BFSP1: variants seen among roughly 807,000 people sequenced by gnomAD.
BFSP1 encodes the protein beaded filament structural protein 1, also known as filensin.
A neutral mutation model predicts 43.9 loss-of-function variants in BFSP1; 38 were observed. The ratio of observed to expected loss-of-function variants is 0.87; its 90% CI spans 0.67 to 1.14. The LOEUF is 1.14. Ranked by LOEUF, BFSP1 falls within the 50% of genes most tolerant of loss-of-function variation. The pLI, the probability that BFSP1 is intolerant of heterozygous loss-of-function variation, is 0.00. For missense variants in BFSP1, 850 were observed against 875.1 expected, an observed-to-expected ratio of 0.97 and a Z score of 0.36; for synonymous variants, 352 against 354.8, an observed-to-expected ratio of 0.99 and a Z score of 0.09.
Position 17,508,999 on chromosome 20 carries a change from G to C in BFSP1, c.628-3C>G, listed in dbSNP as rs1158312058. Reference sequence around the variant, plus strand: ...TCCCGCTCCGTCAGGAGCTTCTCCTGCACAGAGAAGGCCAGAGTCAGACTC... The same window carrying C: ...TCCCGCTCCGTCAGGAGCTTCTCCTCCACAGAGAAGGCCAGAGTCAGACTC... On this transcript the variant is annotated splice_region_variant and splice_polypyrimidine_tract_variant and intron_variant, in intron 4 of 7. Transcript: ENST00000377873. 5.1e-6 allele frequency: 8 copies of C among 1,562,942 alleles called. No individual in the cohort carries two copies. The highest frequency in any genetic ancestry group is 6.9e-6 in the Non-Finnish European group (8 of 1,155,932).
In BFSP1 at chr20:17,494,065, C is replaced by G. The variant is rs41276390; in HGVS notation, c.*9G>C. ...CCAAATACATTTTATCCCATCAAGC[C>G]TGGGCATTTTAAGAGCTCTTCTCTC... On this transcript the variant is annotated 3_prime_UTR_variant, in exon 8 of 8. Transcript: ENST00000377873. 19,895 of 1,604,540 alleles carry G rather than the reference C, an allele frequency of 0.012. 1,329 individuals carry two copies. The African/African-American group carries it at 0.18, about 15-fold the overall frequency.
chr20:17,530,681 A>G (rs2034514394), intron 1 of BFSP1, among the ~76,000 whole-genome samples: 1 of 151,682 alleles, frequency 6.6e-6, no homozygotes, highest in Admixed American at 6.6e-5. Flanking sequence ...TGCACTTCAA[A>G]TCTGTGCATT....
At chr20:17,563,999 G>GTAAC (rs978673174) in intron 1 of BFSP1, among the ~76,000 whole-genome samples, 2 of 151,878 alleles carry the variant, frequency 1.3e-5, no homozygotes, top group African/African-American at 4.8e-5. Flanking sequence ...GGACTGTGAG[G>GTAAC]TAACCTTAGA....
chr20:17,555,375 G>A (rs755656071), intron 1 of BFSP1, among the ~76,000 whole-genome samples: 4 of 149,274 alleles, frequency 2.7e-5, no homozygotes, highest in South Asian at 4.3e-4. Context: ...AAACATGGCC[G>A]GCAGTGGTGG....
At chr20:17,566,225 A>G (rs1299116198) in intron 1 of BFSP1, among the ~76,000 whole-genome samples, 1 of 151,892 alleles carries the variant, frequency 6.6e-6, no homozygotes, top group Non-Finnish European at 1.5e-5. Context: ...TCTATGCTGT[A>G]TATTGACAGT....
intron 1 of BFSP1, among the ~76,000 whole-genome samples, chr20:17,549,400 T>C (rs1194072931): frequency 2.6e-5 from 4 of 152,142 alleles, no homozygotes; most frequent in Non-Finnish European, 5.9e-5. Flanking sequence ...CTCACAATCA[T>C]GGCAGAAGGA....
chr20:17,565,446 C>A (rs1173544546), intron 1 of BFSP1: 1 of 152,154 alleles, frequency 6.6e-6, no homozygotes, highest in African/African-American at 2.4e-5. Flanking sequence ...TTGGAAATAT[C>A]CTAAATGCCC....
At chr20:17,532,975 T>G (rs1180905370), upstream of BFSP1, among the ~76,000 whole-genome samples, 5 of 152,114 alleles carry the variant, frequency 3.3e-5, no homozygotes, top group Non-Finnish European at 7.3e-5. Flanking sequence ...CTCAAGATAA[T>G]AGATTCCGTC....
intron 2 of BFSP1, 64 bp from the exon 3 acceptor site, chr20:17,514,880 G>A: frequency 4.1e-6 from 6 of 1,457,376 alleles, no homozygotes; most frequent in Non-Finnish European, 5.7e-6. Context: ...AAGCTGGCCG[G>A]GTATATGAGC....
intron 1 of BFSP1, chr20:17,541,193 C>T: frequency 9.8e-6 from 9 of 915,086 alleles, no homozygotes; most frequent in Non-Finnish European, 1.2e-5. Flanking sequence ...ATAGTGAGAC[C>T]CTGTCTCTAA....
At chr20:17,505,644 C>A (rs963876009) in intron 5 of BFSP1, among the ~76,000 whole-genome samples, 1 of 152,250 alleles carries the variant, frequency 6.6e-6, no homozygotes, top group South Asian at 2.1e-4. Flanking sequence ...CCAGCAAAAA[C>A]CCAGCCACAA....
At chr20:17,514,164 G>A (rs936319072) in intron 3 of BFSP1, among the ~76,000 whole-genome samples, 1 of 152,208 alleles carries the variant, frequency 6.6e-6, no homozygotes, top group Non-Finnish European at 1.5e-5. Flanking sequence ...AGGAGAGCCT[G>A]CATTTGCATT....
At chr20:17,518,360 G>C (rs769113932) in intron 2 of BFSP1, among the ~76,000 whole-genome samples, 3 of 152,176 alleles carry the variant, frequency 2.0e-5, no homozygotes, top group Non-Finnish European at 4.4e-5. Context: ...GCCTTCAGGG[G>C]GTTACCATTC....
rs2033592567 is a variant in BFSP1 at position 17,494,867 on chromosome 20, A to G, written c.1205T>C (p.Val402Ala). Residue 402 changes from valine (V) to alanine (A), a missense_variant, in exon 8 of 8, where the codon GTG (valine) becomes GCG (alanine). Transcript: ENST00000377873. ...AGATTCACTTTCCTCTTTAAGTACC[A>G]CCTGTACCAGCTTTGTGTCTTCCAA... is the stretch of plus-strand genomic sequence containing the variant. ...KGLEDTKLVQ[V>A]VLKEESESKF... The G allele has an allele frequency of 6.8e-6, 11 of 1,613,964 alleles. No individual in the cohort carries two copies. Among genetic ancestry groups the G allele is most frequent in the Non-Finnish European group, 9.3e-6 (11 of 1,180,018 alleles).
At chr20:17,516,571 G>A (rs1279423128) in intron 2 of BFSP1, among the ~76,000 whole-genome samples, 1 of 152,132 alleles carries the variant, frequency 6.6e-6, no homozygotes, top group Non-Finnish European at 1.5e-5. Context: ...ATGGACCTTG[G>A]GGGCCTGCAT....
At chr20:17,523,036 C>T (rs541608421) in intron 2 of BFSP1, among the ~76,000 whole-genome samples, 1 of 152,208 alleles carries the variant, frequency 6.6e-6, no homozygotes, top group Non-Finnish European at 1.5e-5. Flanking sequence ...CATCTTTCCC[C>T]AGAACCTTCA....
chr20:17,494,514 G>T lies in BFSP1; in HGVS notation c.1558C>A (p.Pro520Thr). 1 of 1,614,180 alleles carries T rather than the reference G, an allele frequency of 6.2e-7. No individual in the cohort carries two copies. The highest frequency in any genetic ancestry group is 1.1e-5 in the South Asian group (1 of 91,080). ...AGACCCACCTGCCCATTCTCTAAAG[G>T]GGGCTTGGGTGACTCAGGAGAGGGC... ...VEPSPESPKP[P>T]LENGQVGLQE... is the part of the protein sequence containing the mutation. The change falls in exon 8 of 8, where the codon CCT becomes ACT. Residue 520 changes from proline to threonine, a missense_variant. By Grantham distance (38) the Pro-to-Thr change is conservative. Coordinates refer to ENST00000377873, the MANE Select transcript of BFSP1 (RefSeq NM_001195.5).
intron 5 of BFSP1, among the ~76,000 whole-genome samples, chr20:17,503,994 T>G (rs998616499): frequency 2.0e-5 from 3 of 152,230 alleles, no homozygotes; most frequent in African/African-American, 4.8e-5. Context: ...AATCTTTTTA[T>G]GTCTCAGGAA....
chr20:17,500,808 C>T (rs1410285202), intron 5 of BFSP1, among the ~76,000 whole-genome samples: 2 of 152,172 alleles, frequency 1.3e-5, no homozygotes, highest in African/African-American at 4.8e-5. Flanking sequence ...AAAATTTAAA[C>T]TTTATAAAGT....
Sources: allele counts gnomAD v4.1 joint callset (sites outside exome capture counted in the v4.1 genomes callset), GRCh38; gene constraint gnomAD v4.1.1; transcripts MANE v1.5; gene names NCBI Gene and HGNC (gene_info 2026-07-23, HGNC 2026-07-21).